ZNF124: variants seen among roughly 807,000 people sequenced by gnomAD.
ZNF124 encodes the protein zinc finger protein HZF-16.
In ZNF124, 25 loss-of-function variants were observed where a neutral mutation model predicts 26.6. The observed-to-expected ratio is 0.94, with a 90% CI of 0.68 to 1.31. ZNF124 has a LOEUF of 1.31. ZNF124 is among the 40% of genes most tolerant of loss of function. The pLI, the probability that ZNF124 is intolerant of heterozygous loss-of-function variation, is 0.00. For synonymous variants in ZNF124, 129 were observed against 133.3 expected, an observed-to-expected ratio of 0.97 and a Z score of 0.22; for missense variants, 444 against 422.2, an observed-to-expected ratio of 1.05 and a Z score of -0.45.
intron 1 of ZNF124, among the ~76,000 whole-genome samples, chr1:247,162,738 C>T (rs1673555675): frequency 6.6e-6 from 1 of 151,858 alleles, no homozygotes; most frequent in Non-Finnish European, 1.5e-5. Flanking sequence ...AACAAGCAGA[C>T]CTAACTATCC....
chr1:247,132,360 CA>C (rs1397501324), intron 3 of ZNF124, among the ~76,000 whole-genome samples: 4 of 152,124 alleles, frequency 2.6e-5, no homozygotes, highest in Non-Finnish European at 5.9e-5. Context: ...GCTGAAAACC[CA>C]AAAGGCCAGA....
chr1:247,151,860 C>T (rs1672955659), downstream of ZNF124, among the ~76,000 whole-genome samples: 1 of 151,064 alleles, frequency 6.6e-6, no homozygotes, highest in Admixed American at 6.6e-5. Context: ...CCGAAAAACT[C>T]AAAACAACCT....
chr1:247,137,640 A>G (rs1672519562), intron 3 of ZNF124, among the ~76,000 whole-genome samples: 1 of 152,160 alleles, frequency 6.6e-6, no homozygotes, highest in Non-Finnish European at 1.5e-5. Context: ...GCTTATGCAC[A>G]GCAAAAGAAA....
At chr1:247,128,543 T>A (rs1672268064) in intron 3 of ZNF124, among the ~76,000 whole-genome samples, 1 of 148,166 alleles carries the variant, frequency 6.7e-6, no homozygotes, top group Non-Finnish European at 1.5e-5. Flanking sequence ...ATGGCATGAA[T>A]CCCCTGGGAC....
chr1:247,124,866 T>C (rs542266365), intron 3 of ZNF124, among the ~76,000 whole-genome samples: 2 of 152,322 alleles, frequency 1.3e-5, no homozygotes, highest in African/African-American at 4.8e-5. Context: ...GGTGTGATCA[T>C]GGCTTACTGC....
In ZNF124 at chr1:247,168,804, A is replaced by G. The variant is rs116350713; in HGVS notation, c.30+3044T>C. Among the ~76,000 whole-genome samples the G allele has an allele frequency of 0.031, 4,669 of 150,866 alleles. 252 individuals carry two copies. The highest frequency in any genetic ancestry group is 0.11 in the African/African-American group (4,400 of 41,340). ...CTCACTTATAAGTGGGAGCTAAGCTATGAGGTTACAAAGGCATAAGAATGA... is the reference window on the plus strand; with the variant it reads ...CTCACTTATAAGTGGGAGCTAAGCTGTGAGGTTACAAAGGCATAAGAATGA... On this transcript the variant is annotated intron_variant, in intron 1 of 3. Coordinates refer to ENST00000543802, the MANE Select transcript of ZNF124 (RefSeq NM_001297568.2). The surrounding 1 kb of genome is among the most constrained non-coding windows in gnomAD (Gnocchi z 4.0).
chr1:247,168,372 T>C lies in ZNF124; in HGVS notation c.30+3476A>G, dbSNP rs139918575. On this transcript the variant is annotated intron_variant, in intron 1 of 3. Coordinates refer to ENST00000543802, the MANE Select transcript of ZNF124 (RefSeq NM_001297568.2). This position sits in a 1 kb window ranked among gnomAD's most constrained non-coding sequence, Gnocchi z 4.0. Reference sequence around the variant, plus strand: ...GGCAAAACCCTGTCTCTACTAAAAATACAAAAAAAATTTAGCTGGGCGTGA... The same window carrying C: ...GGCAAAACCCTGTCTCTACTAAAAACACAAAAAAAATTTAGCTGGGCGTGA... Among the ~76,000 whole-genome samples, 573 of 152,098 alleles carry C rather than the reference T, an allele frequency of 3.8e-3. 2 individuals are homozygous for C. Among genetic ancestry groups the C allele is most frequent in the Middle Eastern group, 6.8e-3 (2 of 294 alleles).
At chr1:247,153,081 T>C (rs557919168), downstream of ZNF124, among the ~76,000 whole-genome samples, 18 of 150,190 alleles carry the variant, frequency 1.2e-4, no homozygotes, top group East Asian at 3.9e-4. Flanking sequence ...TGCAGTAAGC[T>C]GAGATTGCGC....
chr1:247,131,817 C>G (rs1191944601), intron 3 of ZNF124, among the ~76,000 whole-genome samples: 1 of 152,190 alleles, frequency 6.6e-6, no homozygotes, highest in Non-Finnish European at 1.5e-5. Flanking sequence ...TGGCCGCAGT[C>G]TCTGCTGACC....
rs59505413 is a variant in ZNF124, at chr1:247,157,950, T to TAA, written c.219-549_219-548dup. On this transcript the variant is annotated intron_variant, in intron 3 of 3. Coordinates refer to ENST00000543802, the MANE Select transcript of ZNF124 (RefSeq NM_001297568.2). ...ATTAGTTCCTGAAAGATCCGATTGTTAAAAAAAAAAAAAAAATGGTCGGGC... is the reference window on the plus strand; with the variant it reads ...ATTAGTTCCTGAAAGATCCGATTGTTAAAAAAAAAAAAAAAAAATGGTCGGGC... 1.5e-3 allele frequency among the ~76,000 whole-genome samples: 215 copies of TAA among 141,220 alleles called. 1 individual carries two copies. Among genetic ancestry groups the TAA allele is most frequent in the African/African-American group, 5.4e-3 (208 of 38,698 alleles). The allele number at this position is 141,220 out of a possible 152,430, so 92.6% of individuals were successfully genotyped here. A position where few individuals can be genotyped will look rare whatever the true frequency, so the allele number is the denominator to read the frequency against.
At chr1:247,140,057 T>C (rs1672585957) in intron 3 of ZNF124, among the ~76,000 whole-genome samples, 1 of 152,234 alleles carries the variant, frequency 6.6e-6, no homozygotes, top group South Asian at 2.1e-4. Context: ...GTTGGGGAAG[T>C]TTTCGTGGAT....
chr1:247,142,462 G>A (rs1046163837), intron 3 of ZNF124, among the ~76,000 whole-genome samples: 2 of 152,108 alleles, frequency 1.3e-5, no homozygotes, highest in African/African-American at 4.8e-5. Flanking sequence ...TTATTAGGGT[G>A]TAATCATTCA....
intron 1 of ZNF124, among the ~76,000 whole-genome samples, chr1:247,167,804 TCAC>T (rs1449554742): frequency 1.3e-5 from 2 of 152,068 alleles, no homozygotes; most frequent in Non-Finnish European, 2.9e-5. Flanking sequence ...GAGAAAATCT[TCAC>T]CAACTATGCA....
At chr1:247,146,623 GCTGGAAGAATTAAGCAATGAAAAT>G (rs1176081730) in intron 3 of ZNF124, among the ~76,000 whole-genome samples, 1 of 152,198 alleles carries the variant, frequency 6.6e-6, no homozygotes, top group Non-Finnish European at 1.5e-5. Context: ...TTTCTTGACT[GCTGGAAGAATTAAGCAATGAAAAT>G]ATGTCCACTT....
chr1:247,131,009 G>C (rs2103099895), intron 3 of ZNF124, among the ~76,000 whole-genome samples: 1 of 152,328 alleles, frequency 6.6e-6, no homozygotes, highest in South Asian at 2.1e-4. Flanking sequence ...CCAGGAGGTG[G>C]AGATTGCAGT....
At chr1:247,170,694 C>T (rs1674060555) in intron 1 of ZNF124, among the ~76,000 whole-genome samples, 1 of 143,272 alleles carries the variant, frequency 7.0e-6, no homozygotes, top group Admixed American at 6.8e-5. Context: ...CTAAGGGGGT[C>T]CACGTGAGAG....
intron 3 of ZNF124, among the ~76,000 whole-genome samples, chr1:247,148,906 C>T (rs188752822): frequency 3.9e-4 from 59 of 151,846 alleles, no homozygotes; most frequent in African/African-American, 1.4e-3. Context: ...GGAGGTGGAG[C>T]TTGCAGTGAG....
intron 3 of ZNF124, among the ~76,000 whole-genome samples, chr1:247,142,594 C>T (rs1672655944): frequency 6.6e-6 from 1 of 152,202 alleles, no homozygotes. Flanking sequence ...GATTGATATT[C>T]ACCAACCTTT....
Position 247,155,931 on chromosome 1 carries a change from C to G in ZNF124, c.*635G>C. 1 of 913,190 alleles carries G rather than the reference C, an allele frequency of 1.1e-6. No homozygotes were observed. Among genetic ancestry groups the G allele is most frequent in the Non-Finnish European group, 1.3e-6 (1 of 766,564 alleles). The allele number at this position is 913,190 out of a possible 1,614,324, so 56.6% of individuals were successfully genotyped here. ...GAAGTGAAAATCTATATTCTAGAGA[C>G]TCTCTTCAAAAATGAGCAACCAATA... On this transcript the variant is annotated 3_prime_UTR_variant, in exon 4 of 4. Transcript: ENST00000543802.
Sources: gnomAD v4.1 joint callset for allele counts (sites outside exome capture counted in the v4.1 genomes callset) on GRCh38, gnomAD v4.1.1 for gene constraint, Gnocchi (gnomAD v3.1) non-coding constraint, MANE v1.5 for transcripts, NCBI Gene and HGNC (gene_info 2026-07-23, HGNC 2026-07-21) for gene names.